SUPT3H: variants seen among roughly 807,000 people sequenced by gnomAD.
The protein encoded by SUPT3H is transcription initiation protein SPT3 homolog.
In SUPT3H, 44 loss-of-function variants were observed where a neutral mutation model predicts 44.3. That is an observed-to-expected ratio of 0.99 (90% CI 0.78 to 1.28). SUPT3H has a LOEUF of 1.28. SUPT3H is among the 50% of genes most tolerant of loss of function. SUPT3H has a pLI of 0.00. For missense variants in SUPT3H, 380 were observed against 387.1 expected (o/e 0.98, Z 0.15); for synonymous variants, 124 against 125.6 (o/e 0.99, Z 0.09).
intron 3 of SUPT3H, among the ~76,000 whole-genome samples, chr6:45,023,199 T>G (rs1265764342): frequency 1.3e-5 from 2 of 148,946 alleles, no homozygotes; most frequent in African/African-American, 5.0e-5. Flanking sequence ...TTAAGAGAAA[T>G]GCAAATCAAA....
chr6:44,914,097 A>T (rs1365050226), intron 10 of SUPT3H, among the ~76,000 whole-genome samples: 10 of 152,142 alleles, frequency 6.6e-5, no homozygotes, highest in East Asian at 3.8e-4. Context: ...ACATTTTTTT[A>T]AAAAATTGCT....
chr6:45,029,386 T>C (rs919791678), intron 3 of SUPT3H, among the ~76,000 whole-genome samples: 1 of 150,870 alleles, frequency 6.6e-6, no homozygotes, highest in Non-Finnish European at 1.5e-5. Context: ...TATGTGTGTG[T>C]ACATATATTG....
chr6:44,970,915 T>C (rs1027733281), intron 6 of SUPT3H, among the ~76,000 whole-genome samples: 2 of 152,328 alleles, frequency 1.3e-5, no homozygotes, highest in East Asian at 1.9e-4. Context: ...TAGTCAAATA[T>C]GCACACTTTA....
intron 1 of SUPT3H, among the ~76,000 whole-genome samples, chr6:45,369,046 C>G (rs1275060288): frequency 6.6e-6 from 1 of 152,040 alleles, no homozygotes; most frequent in Non-Finnish European, 1.5e-5. Context: ...ATAAAAACTT[C>G]TAGACCTAGT....
At chr6:45,210,178 G>C (rs926405596) in intron 2 of SUPT3H, among the ~76,000 whole-genome samples, 3 of 152,170 alleles carry the variant, frequency 2.0e-5, no homozygotes, top group Admixed American at 2.0e-4. Context: ...GAAAAGACAA[G>C]TTGGAGACTG....
chr6:44,883,072 A>C (rs950127892), intron 10 of SUPT3H, among the ~76,000 whole-genome samples: 1 of 152,216 alleles, frequency 6.6e-6, no homozygotes, highest in Non-Finnish European at 1.5e-5. Context: ...ATGGCATTCA[A>C]ATAGGAAAAG....
chr6:45,157,502 T>C (rs1443409186), intron 2 of SUPT3H, among the ~76,000 whole-genome samples: 1 of 151,516 alleles, frequency 6.6e-6, no homozygotes, highest in Non-Finnish European at 1.5e-5. Flanking sequence ...CACATACATA[T>C]ATGTATATAT....
chr6:45,320,716 T>C (rs1419734531), intron 2 of SUPT3H, among the ~76,000 whole-genome samples: 1 of 152,192 alleles, frequency 6.6e-6, no homozygotes, highest in Admixed American at 6.5e-5. Context: ...CCAAAAATAT[T>C]TACTACCTGG....
intron 10 of SUPT3H, among the ~76,000 whole-genome samples, chr6:44,903,087 T>G (rs910291071): frequency 6.6e-6 from 1 of 151,978 alleles, no homozygotes; most frequent in African/African-American, 2.4e-5. Flanking sequence ...AGGAAAGATC[T>G]AAAACTGACA....
At chr6:45,221,990 A>G (rs1391684329) in intron 2 of SUPT3H, among the ~76,000 whole-genome samples, 1 of 152,168 alleles carries the variant, frequency 6.6e-6, no homozygotes, top group African/African-American at 2.4e-5. Context: ...AATGGCTCAC[A>G]GATTTTTTAG....
intron 2 of SUPT3H, among the ~76,000 whole-genome samples, chr6:45,125,633 AT>A (rs1204266512): frequency 6.6e-6 from 1 of 152,146 alleles, no homozygotes; most frequent in Non-Finnish European, 1.5e-5. Context: ...AATATGGTAC[AT>A]GGGTCTCCAC....
At chr6:44,859,671 T>C (rs758936731) in intron 10 of SUPT3H, among the ~76,000 whole-genome samples, 1 of 152,178 alleles carries the variant, frequency 6.6e-6, no homozygotes, top group African/African-American at 2.4e-5. Flanking sequence ...AATTCAAGGA[T>C]TTAAAAAAGT....
Position 45,371,988 on chromosome 6 carries a change from G to A in SUPT3H, c.-1+5780C>T, listed in dbSNP as rs530091694. 42 of 879,720 alleles carry A rather than the reference G, an allele frequency of 4.8e-5. No individual in the cohort carries two copies. The African/African-American group carries it at 7.4e-4, about 16-fold the overall frequency. 54.5% of individuals were successfully genotyped at this position (879,720 alleles called of 1,614,324 possible). On this transcript the variant is annotated intron_variant, in intron 1 of 10. Transcript: ENST00000371459. ...CTAAAACTGAGGTCCCCCGACACCTGGTCCAGAGTTCTTTCTACTATACAT... is the reference window on the plus strand; with the variant it reads ...CTAAAACTGAGGTCCCCCGACACCTAGTCCAGAGTTCTTTCTACTATACAT...
chr6:44,914,464 CA>C (rs1382999258), intron 10 of SUPT3H, among the ~76,000 whole-genome samples: 1 of 152,160 alleles, frequency 6.6e-6, no homozygotes, highest in Admixed American at 6.5e-5. Context: ...CATATTATTT[CA>C]AAACAGGTAT....
intron 2 of SUPT3H, among the ~76,000 whole-genome samples, chr6:45,336,637 G>A (rs1287927068): frequency 1.3e-5 from 2 of 151,130 alleles, no homozygotes; most frequent in Admixed American, 6.6e-5. Flanking sequence ...TTACTCAGAC[G>A]TATTCAAACA....
intron 10 of SUPT3H, among the ~76,000 whole-genome samples, chr6:44,849,789 C>G (rs898091262): frequency 6.6e-6 from 1 of 152,124 alleles, no homozygotes. Context: ...AATCACTGGG[C>G]AGGAAAAATA....
chr6:45,315,447 C>T (rs1228067217), intron 2 of SUPT3H, among the ~76,000 whole-genome samples: 1 of 151,960 alleles, frequency 6.6e-6, no homozygotes, highest in East Asian at 1.9e-4. Flanking sequence ...TCAATCAATA[C>T]CATCAAAAAG....
intron 2 of SUPT3H, among the ~76,000 whole-genome samples, chr6:45,291,086 T>A (rs11964844): frequency 0.23 from 34,546 of 152,082 alleles, 4,606 homozygotes; most frequent in Non-Finnish European, 0.31. Context: ...TGTGCTGGTA[T>A]ACACAGCTGA....
chr6:44,905,518 C>A (rs1381077155), intron 10 of SUPT3H, among the ~76,000 whole-genome samples: 1 of 150,928 alleles, frequency 6.6e-6, no homozygotes, highest in Non-Finnish European at 1.5e-5. Flanking sequence ...AGTCAGGAAA[C>A]AACAGGTGCT....
Sources: gnomAD v4.1 joint callset for allele counts (sites outside exome capture counted in the v4.1 genomes callset) on GRCh38, gnomAD v4.1.1 for gene constraint, MANE v1.5 for transcripts, NCBI Gene and HGNC (gene_info 2026-07-23, HGNC 2026-07-21) for gene names.